MRPS27: variants seen among roughly 807,000 people sequenced by gnomAD.
MRPS27 encodes small ribosomal subunit protein mS27.
Under a neutral mutation model 48.9 loss-of-function variants are expected in MRPS27, and 43 were observed. That is an observed-to-expected ratio of 0.88 (90% CI 0.69 to 1.13). MRPS27 has a LOEUF of 1.13. MRPS27 is among the 50% of genes most tolerant of loss of function. The pLI is 0.00. For missense variants in MRPS27, 467 were observed against 476.3 expected (o/e 0.98, Z 0.18); for synonymous variants, 188 against 171.9 (o/e 1.09, Z -0.73).
intron 4 of MRPS27, among the ~76,000 whole-genome samples, chr5:72,257,831 T>A (rs1264638985): frequency 6.6e-6 from 1 of 152,088 alleles, no homozygotes; most frequent in Non-Finnish European, 1.5e-5. Context: ...ATGCCTGTAA[T>A]CCCAGCACTT....
intron 4 of MRPS27, among the ~76,000 whole-genome samples, chr5:72,239,334 A>G (rs1748290830): frequency 6.6e-6 from 1 of 152,194 alleles, no homozygotes. Flanking sequence ...AGTGAGAAAT[A>G]GTATTTAATT....
chr5:72,305,915 T>G (rs913786431), intron 2 of MRPS27, among the ~76,000 whole-genome samples: 7 of 152,212 alleles, frequency 4.6e-5, no homozygotes, highest in African/African-American at 1.7e-4. Context: ...GAGACAATGC[T>G]TTAACTCAGT....
Position 72,313,944 on chromosome 5 carries a change from C to G in MRPS27, c.151+137G>C, listed in dbSNP as rs1281420128. 4 of 629,922 alleles carry G rather than the reference C, an allele frequency of 6.3e-6. No individual in the cohort carries two copies. In the Admixed American group the frequency reaches 9.1e-5, roughly 14 times the overall value. The allele number at this position is 629,922 out of a possible 1,614,324, so 39.0% of individuals were successfully genotyped here. On this transcript the variant is annotated intron_variant, in intron 2 of 10. Transcript: ENST00000261413. Reference sequence around the variant, plus strand: ...TTTTGCCATGTATAAAAGTCTAACTCTTTAAGACTTAAAACATGCTTATCT... The same window carrying G: ...TTTTGCCATGTATAAAAGTCTAACTGTTTAAGACTTAAAACATGCTTATCT...
intron 5 of MRPS27, among the ~76,000 whole-genome samples, chr5:72,237,234 C>T (rs991812158): frequency 7.2e-5 from 11 of 152,126 alleles, no homozygotes; most frequent in African/African-American, 2.2e-4. Context: ...AAACTGTAAA[C>T]TTCCTGAGGG....
intron 10 of MRPS27, 113 bp from the exon 11 acceptor site, chr5:72,221,261 G>C: frequency 1.5e-6 from 2 of 1,335,394 alleles, no homozygotes; most frequent in Admixed American, 2.2e-5. Flanking sequence ...AAAGTTTGCT[G>C]ACTCGTAGTT....
At chr5:72,265,077 T>C (rs1749076168) in intron 4 of MRPS27, among the ~76,000 whole-genome samples, 1 of 152,100 alleles carries the variant, frequency 6.6e-6, no homozygotes, top group Admixed American at 6.5e-5. Context: ...GAAAGAAGAG[T>C]TGTAGCTATT....
chr5:72,246,590 A>C (rs909415011), intron 4 of MRPS27, among the ~76,000 whole-genome samples: 42 of 152,226 alleles, frequency 2.8e-4, no homozygotes, highest in Non-Finnish European at 1.8e-4. Flanking sequence ...ACCTAGGCCA[A>C]GTAAACTGGG....
At position 72,228,246 on chromosome 5, in the gene MRPS27, G is replaced by T. The variant is rs1321453162; in HGVS notation, c.694+20C>A. ...ATTCTAACCATGAAGAACAGTATTT[G>T]TAAGGATCATTTAGCTTACCAAGAA... On this transcript the variant is annotated intron_variant, in intron 8 of 10. Coordinates refer to ENST00000261413, the MANE Select transcript of MRPS27 (RefSeq NM_015084.3). 8 of 1,538,704 alleles carry T rather than the reference G, an allele frequency of 5.2e-6. No homozygotes were observed. The highest frequency in any genetic ancestry group is 1.1e-5 in the South Asian group (1 of 89,488).
chr5:72,288,697 G>A (rs1303300765), intron 4 of MRPS27: 2 of 152,172 alleles, frequency 1.3e-5, no homozygotes, highest in African/African-American at 2.4e-5. Context: ...AAGTATAGAA[G>A]TGCTACTAAA....
At chr5:72,315,458 G>T (rs1750541576) in intron 1 of MRPS27, among the ~76,000 whole-genome samples, 1 of 151,742 alleles carries the variant, frequency 6.6e-6, no homozygotes. Flanking sequence ...TCAGGAGGCT[G>T]AGGTGGGAGA....
At chr5:72,266,514 G>A (rs1208429144) in intron 4 of MRPS27, among the ~76,000 whole-genome samples, 2 of 152,206 alleles carry the variant, frequency 1.3e-5, no homozygotes, top group African/African-American at 4.8e-5. Context: ...CTAGCTACAG[G>A]TAGAGAAATA....
rs749889500 is a variant in MRPS27, at chr5:72,223,847, C to T, written c.841G>A (p.Asp281Asn). ...EDIKLCREAL[D>N]VLGAVLKALT... ...GCCTTCAGCACTGCACCCAGCACAT[C>T]GAGCTGTGGAGCAGAAAGAGGGTCA... The change falls in exon 10 of 11, where the codon GAT (aspartate) becomes AAT (asparagine). Residue 281 changes from aspartate (D) to asparagine (N), a missense_variant. Transcript: ENST00000261413. 26 of 1,613,030 alleles carry T rather than the reference C, an allele frequency of 1.6e-5. No homozygotes were observed. The highest frequency in any genetic ancestry group is 1.1e-4 in the East Asian group (5 of 44,852).
chr5:72,246,437 T>A (rs1455753499), intron 4 of MRPS27, among the ~76,000 whole-genome samples: 1 of 152,064 alleles, frequency 6.6e-6, no homozygotes, highest in African/African-American at 2.4e-5. Context: ...TTAATGCAAG[T>A]TGAGGGAACA....
intron 4 of MRPS27, among the ~76,000 whole-genome samples, chr5:72,270,549 G>A (rs1749211509): frequency 6.6e-6 from 1 of 151,994 alleles, no homozygotes. Flanking sequence ...ATCTTCTTAA[G>A]AAAACTCCAG....
chr5:72,302,412 A>G (rs1300636878), intron 2 of MRPS27, among the ~76,000 whole-genome samples: 1 of 152,198 alleles, frequency 6.6e-6, no homozygotes, highest in East Asian at 1.9e-4. Flanking sequence ...GATTGTAGCC[A>G]ATCAAGCACG....
At chr5:72,233,449 C>T (rs956426624) in intron 6 of MRPS27, among the ~76,000 whole-genome samples, 1 of 152,080 alleles carries the variant, frequency 6.6e-6, no homozygotes, top group Non-Finnish European at 1.5e-5. Context: ...ATATCACAAG[C>T]ACAACAAATG....
Position 72,314,134 on chromosome 5 carries a change from G to C in MRPS27, c.98C>G (p.Ala33Gly), listed in dbSNP as rs774727637. 1.9e-6 allele frequency: 3 copies of C among 1,612,794 alleles called. No homozygotes were observed. The highest frequency in any genetic ancestry group is 1.1e-5 in the South Asian group (1 of 90,940). ...PAGKRYLLSS[A>G]YVDSHKWEAR... ...TTCCCATTTGTGGCTGTCTACATAGGCTGAAGAAAGCAGGTATCTTTTACC... is the reference window on the plus strand; with the variant it reads ...TTCCCATTTGTGGCTGTCTACATAGCCTGAAGAAAGCAGGTATCTTTTACC... Residue 33 changes from alanine to glycine, a missense_variant, in exon 2 of 11, where the codon GCC (alanine) becomes GGC (glycine). By Grantham distance (60) the Ala-to-Gly change is moderately conservative. Coordinates refer to ENST00000261413, the MANE Select transcript of MRPS27 (RefSeq NM_015084.3).
At chr5:72,311,930 C>T (rs995452832) in intron 2 of MRPS27, among the ~76,000 whole-genome samples, 6 of 152,172 alleles carry the variant, frequency 3.9e-5, no homozygotes, top group African/African-American at 1.2e-4. Flanking sequence ...ACCAGGAGTT[C>T]AAGACCAGCC....
At chr5:72,293,707 A>T (rs894514876) in intron 4 of MRPS27, among the ~76,000 whole-genome samples, 1 of 152,222 alleles carries the variant, frequency 6.6e-6, no homozygotes, top group Non-Finnish European at 1.5e-5. Context: ...TGAGTCACTG[A>T]AATCAATTTG....
Sources: gnomAD v4.1 joint callset for allele counts (sites outside exome capture counted in the v4.1 genomes callset) on GRCh38, gnomAD v4.1.1 for gene constraint, MANE v1.5 for transcripts, NCBI Gene and HGNC (gene_info 2026-07-23, HGNC 2026-07-21) for gene names.